BICD1: variants seen among roughly 807,000 people sequenced by gnomAD.
BICD1 encodes BICD cargo adaptor 1.
A neutral mutation model predicts 92.5 loss-of-function variants in BICD1; 35 were observed. That is an observed-to-expected ratio of 0.38 (90% CI 0.29 to 0.50). The LOEUF is 0.50. Among genes scored for constraint, BICD1 ranks in the 20% least tolerant of loss-of-function variants. The probability of loss-of-function intolerance (pLI) is 0.93; values close to 1 mark genes in which losing one functional copy is unlikely to be tolerated. For synonymous variants in BICD1, 429 were observed against 465.1 expected, an observed-to-expected ratio of 0.92 and a Z score of 1.00; for missense variants, 950 against 1,189.8, an observed-to-expected ratio of 0.80 and a Z score of 2.97.
intron 8 of BICD1, among the ~76,000 whole-genome samples, chr12:32,342,175 T>G (rs1243539497): frequency 1.5e-5 from 2 of 136,648 alleles, no homozygotes; most frequent in African/African-American, 2.7e-5. Context: ...TGTATATATA[T>G]ATGTGTGTAT....
chr12:32,121,310 T>TA (rs1191268927), intron 1 of BICD1, among the ~76,000 whole-genome samples: 1 of 151,536 alleles, frequency 6.6e-6, no homozygotes, highest in Non-Finnish European at 1.5e-5. Context: ...ATGTTGGCAT[T>TA]AAAAACTAAT....
chr12:32,191,230 A>C (rs1355298803), intron 1 of BICD1, among the ~76,000 whole-genome samples: 4 of 152,218 alleles, frequency 2.6e-5, no homozygotes, highest in Non-Finnish European at 4.4e-5. Flanking sequence ...GATTGGAGCA[A>C]AAAGAAGCTA....
At chr12:32,292,392 A>G (rs142734958) in intron 2 of BICD1, among the ~76,000 whole-genome samples, 1 of 152,284 alleles carries the variant, frequency 6.6e-6, no homozygotes, top group African/African-American at 2.4e-5. Context: ...CAGCAGCCCT[A>G]TCGGATTGGG....
At chr12:32,136,500 G>T (rs932381250) in intron 1 of BICD1, among the ~76,000 whole-genome samples, 1 of 152,190 alleles carries the variant, frequency 6.6e-6, no homozygotes, top group South Asian at 2.1e-4. Context: ...AGTGCCTCTG[G>T]CTGCATCACT....
chr12:32,138,132 T>C (rs961794826), intron 1 of BICD1, among the ~76,000 whole-genome samples: 1 of 152,204 alleles, frequency 6.6e-6, no homozygotes, highest in African/African-American at 2.4e-5. Context: ...CTCGCTTGTG[T>C]TCATTGCCTA....
At chr12:32,220,977 C>T (rs1026970905) in intron 2 of BICD1, among the ~76,000 whole-genome samples, 66 of 149,578 alleles carry the variant, frequency 4.4e-4, no homozygotes, top group Middle Eastern at 3.4e-3. Context: ...CATCATTCTC[C>T]GTAAACTATT....
chr12:32,144,798 T>G (rs1368764586), intron 1 of BICD1, among the ~76,000 whole-genome samples: 1 of 152,228 alleles, frequency 6.6e-6, no homozygotes, highest in Non-Finnish European at 1.5e-5. Context: ...AGAATCACTT[T>G]CTCTTCCTCA....
Position 32,334,612 on chromosome 12 carries a change from G to C in BICD1, c.2197G>C (p.Ala733Pro). Residue 733 changes from alanine to proline, a missense_variant, in exon 6 of 10, where the codon GCT becomes CCT. By Grantham distance (27) the Ala-to-Pro change is conservative. Around this residue, in one of 5 missense-constraint regions of BICD1, gnomAD observed 309 missense variants for 499.4 expected, o/e 0.62. Coordinates refer to ENST00000652176, the MANE Select transcript of BICD1 (RefSeq NM_001714.4). ...TMTKLRNELK[A>P]LKEDAATFSS... ...GACGAAGCTTAGAAATGAACTGAAG[G>C]CTTTGAAAGAAGATGCTGCAACCTT... 1 of 1,611,682 alleles carries C rather than the reference G, an allele frequency of 6.2e-7. No homozygotes were observed. The highest frequency in any genetic ancestry group is 8.5e-7 in the Non-Finnish European group (1 of 1,178,902).
intron 8 of BICD1, among the ~76,000 whole-genome samples, chr12:32,340,980 G>A (rs987537254): frequency 1.3e-5 from 2 of 151,998 alleles, no homozygotes; most frequent in Non-Finnish European, 2.9e-5. Context: ...TGTCAAGAAG[G>A]GTATATCAAT....
In BICD1 at chr12:32,382,297, A is replaced by G. The variant is rs778316068; in HGVS notation, c.*4670A>G. The G allele has an allele frequency of 6.8e-6, 1 of 147,860 alleles. No homozygotes were observed. Among genetic ancestry groups the G allele is most frequent in the Non-Finnish European group, 1.5e-5 (1 of 65,636 alleles). The allele number at this position is 147,860 out of a possible 1,614,324, so 9.2% of individuals were successfully genotyped here. A position where few individuals can be genotyped will look rare whatever the true frequency, so the allele number is the denominator to read the frequency against. Reference sequence around the variant, plus strand: ...CATGTTCCCCAATTGAGAATTTTCCAGAATATTCTACTTAAGAAGAAGAAG... The same window carrying G: ...CATGTTCCCCAATTGAGAATTTTCCGGAATATTCTACTTAAGAAGAAGAAG... On this transcript the variant is annotated 3_prime_UTR_variant, in exon 10 of 10. Transcript: ENST00000652176.
At chr12:32,315,451 TC>T (rs1948472179) in intron 4 of BICD1, among the ~76,000 whole-genome samples, 1 of 152,226 alleles carries the variant, frequency 6.6e-6, no homozygotes, top group Non-Finnish European at 1.5e-5. Flanking sequence ...CTATTCTAGG[TC>T]CTTTGCCTTT....
chr12:32,179,087 A>T (rs1419746528), intron 1 of BICD1, among the ~76,000 whole-genome samples: 2 of 152,008 alleles, frequency 1.3e-5, no homozygotes, highest in Non-Finnish European at 2.9e-5. Context: ...AAAGAGCACT[A>T]TATATTTCAT....
At position 32,107,547 on chromosome 12, in the gene BICD1, G is replaced by A; in HGVS notation, c.213+3G>A. 1.3e-6 allele frequency: 2 copies of A among 1,574,358 alleles called. No homozygotes were observed. The highest frequency in any genetic ancestry group is 1.7e-6 in the Non-Finnish European group (2 of 1,160,448). On this transcript the variant is annotated splice_donor_region_variant and intron_variant, in intron 1 of 9. Transcript: ENST00000652176. ...AGGAGCTGGAGCAGCTCAAAGAGGT[G>A]AGTTGCCTGTCACCTCTCCCTTTCC...
intron 1 of BICD1, among the ~76,000 whole-genome samples, chr12:32,150,068 C>G (rs1943244939): frequency 6.6e-6 from 1 of 152,112 alleles, no homozygotes; most frequent in African/African-American, 2.4e-5. Flanking sequence ...GAGAACTCCC[C>G]TTTATAAAAC....
intron 4 of BICD1, 136 bp from the exon 5 acceptor site, chr12:32,327,325 C>A: frequency 9.2e-7 from 1 of 1,087,480 alleles, no homozygotes; most frequent in Non-Finnish European, 1.3e-6. Context: ...AAAAACACTC[C>A]AATTTAATTT....
chr12:32,140,968 A>G (rs1414566580), intron 1 of BICD1, among the ~76,000 whole-genome samples: 1 of 152,238 alleles, frequency 6.6e-6, no homozygotes, highest in Non-Finnish European at 1.5e-5. Flanking sequence ...ACGTGTTTGC[A>G]TGACCCAGAA....
intron 1 of BICD1, among the ~76,000 whole-genome samples, chr12:32,185,407 A>G (rs1392463426): frequency 6.6e-6 from 1 of 152,250 alleles, no homozygotes; most frequent in Non-Finnish European, 1.5e-5. Flanking sequence ...TTACAACAAT[A>G]AAGGTTTGTC....
intron 8 of BICD1, among the ~76,000 whole-genome samples, chr12:32,341,583 G>A (rs191780018): frequency 3.7e-3 from 558 of 152,224 alleles, no homozygotes; most frequent in Non-Finnish European, 6.1e-3. Flanking sequence ...CACCATTTAT[G>A]TAAAGTTAAA....
chr12:32,111,647 A>C (rs904041217), intron 1 of BICD1, among the ~76,000 whole-genome samples: 3 of 151,618 alleles, frequency 2.0e-5, no homozygotes, highest in African/African-American at 7.3e-5. Flanking sequence ...TCGCACTTTC[A>C]CCCAGCCTGG....
Sources: gnomAD v4.1 joint callset for allele counts (sites outside exome capture counted in the v4.1 genomes callset) on GRCh38, gnomAD v4.1.1 for gene constraint, gnomAD v4.1.1 regional missense constraint, MANE v1.5 for transcripts, NCBI Gene and HGNC (gene_info 2026-07-23, HGNC 2026-07-21) for gene names.